Variants in FUNDC2 observed in about 807,000 individuals in gnomAD.
FUNDC2 encodes the protein FUN14 domain-containing protein 2.
FUNDC2 carries 4 observed loss-of-function variants against 15.6 expected under a neutral mutation model. The observed-to-expected ratio is 0.26, with a 90% confidence interval of 0.13 to 0.59. The LOEUF (loss-of-function observed/expected upper bound fraction) is 0.59, where lower values mean the gene tolerates loss of function less well. Among genes scored for constraint, FUNDC2 ranks in the 20% least tolerant of loss-of-function variants. The probability of loss-of-function intolerance (pLI) is 0.90; values close to 1 mark genes in which losing one functional copy is unlikely to be tolerated. For missense variants in FUNDC2, 98 were observed against 149.7 expected (o/e 0.65, Z 1.80); for synonymous variants, 44 against 56.9 (o/e 0.77, Z 1.02).
intron 2 of FUNDC2, among the ~76,000 whole-genome samples, chrX:155,042,947 CT>C (rs1428788757): frequency 1.8e-5 from 2 of 110,030 alleles, no homozygotes; most frequent in Non-Finnish European, 3.8e-5. Context: ...TGATTTGCAT[CT>C]TTTTTTTTGA....
chrX:155,057,762 G>A lies in FUNDC2; in HGVS notation c.*3090G>A, dbSNP rs1436776914. The A allele has an allele frequency of 9.0e-6, 1 of 111,467 alleles. No individual in the cohort carries two copies. The highest frequency in any genetic ancestry group is 1.9e-5 in the Non-Finnish European group (1 of 53,073). 9.2% of individuals were successfully genotyped at this position (111,467 alleles called of 1,213,427 possible). A position where few individuals can be genotyped will look rare whatever the true frequency, so the allele number is the denominator to read the frequency against. On this transcript the variant is annotated 3_prime_UTR_variant, in exon 5 of 5. Transcript: ENST00000369498. ...CGTCTCTCCCGCAATGGGACCTGGT[G>A]GGATGGGGACTTGGAGCATGCTACA...
Position 155,026,950 on chromosome X carries a change from T to A in FUNDC2, c.12T>A (p.Ser4=). Residue 4 remains serine, a synonymous_variant, in exon 1 of 5, where the codon TCT becomes TCA. Transcript: ENST00000369498. ...CTGCCGCCGTGGGAATGGAAACATC[T>A]GCCCCACGTGCCGGAAGCCAAGTGG... MET[S]APRAGSQVVA... 1.7e-6 allele frequency: 2 copies of A among 1,194,327 alleles called. No homozygotes were observed. Among genetic ancestry groups the A allele is most frequent in the Non-Finnish European group, 2.3e-6 (2 of 888,727 alleles).
intron 2 of FUNDC2, among the ~76,000 whole-genome samples, chrX:155,034,648 G>A (rs1378810704): frequency 8.9e-6 from 1 of 111,959 alleles, no homozygotes; most frequent in Non-Finnish European, 1.9e-5. Flanking sequence ...TGAACCTGTT[G>A]TTCTACATGG....
chrX:155,052,695 C>T (rs2073882556), intron 4 of FUNDC2, among the ~76,000 whole-genome samples: 1 of 111,743 alleles, frequency 8.9e-6, no homozygotes, highest in African/African-American at 3.3e-5. Flanking sequence ...GTGCCTTTAC[C>T]CAGAGTGGGA....
intron 2 of FUNDC2, among the ~76,000 whole-genome samples, chrX:155,036,022 T>C (rs1557289164): frequency 8.9e-6 from 1 of 112,016 alleles, no homozygotes; most frequent in African/African-American, 3.2e-5. Context: ...TCATTTCTTT[T>C]GGGTAAATAT....
At chrX:155,050,601 A>G (rs782078441) in intron 3 of FUNDC2, 3 of 112,173 alleles carry the variant, frequency 2.7e-5, no homozygotes, top group Admixed American at 1.9e-4. Flanking sequence ...GTAATATTCT[A>G]TTGTGTAAAT....
In FUNDC2 at chrX:155,051,809, T is replaced by C; in HGVS notation, c.492+8T>C. On this transcript the variant is annotated splice_region_variant and intron_variant, in intron 4 of 4. Transcript: ENST00000369498. Reference sequence around the variant, plus strand: ...AGGAGCAAAGCTGAGGAGGTGAGACTTGCATTGTTCACGTGTAGTGTGTGA... The same window carrying C: ...AGGAGCAAAGCTGAGGAGGTGAGACCTGCATTGTTCACGTGTAGTGTGTGA... 4.1e-6 allele frequency: 5 copies of C among 1,210,612 alleles called. No homozygotes were observed. Among genetic ancestry groups the C allele is most frequent in the Non-Finnish European group, 5.6e-6 (5 of 894,405 alleles).
At chrX:155,038,445 T>C (rs1262754236) in intron 2 of FUNDC2, among the ~76,000 whole-genome samples, 2 of 111,877 alleles carry the variant, frequency 1.8e-5, no homozygotes, top group Non-Finnish European at 3.8e-5. Context: ...GTCACCATGA[T>C]ATACAGTAGA....
chrX:155,031,629 G>A (rs2073815440), intron 1 of FUNDC2, among the ~76,000 whole-genome samples: 1 of 112,352 alleles, frequency 8.9e-6, no homozygotes, highest in East Asian at 2.8e-4. Flanking sequence ...TGCCTGGCCT[G>A]CTTCTATTTC....
intron 3 of FUNDC2, 83 bp downstream of exon 3, chrX:155,046,667 C>G (rs2073863696): frequency 1.3e-6 from 1 of 745,403 alleles, no homozygotes; most frequent in Admixed American, 2.3e-5. Flanking sequence ...TAATACAGTC[C>G]TGGCTATGTC....
intron 1 of FUNDC2, among the ~76,000 whole-genome samples, chrX:155,028,048 A>ACTGCTCTTATAGACTTTTATAAGAGCAGT (rs1557288439): frequency 1.4e-4 from 16 of 111,365 alleles, no homozygotes; most frequent in African/African-American, 4.9e-4. Flanking sequence ...TGCAGAGCAG[A>ACTGCTCTTATAGACTTTTATAAGAGCAGT]CTGCTCTTAT....
rs1569560269 is a variant in FUNDC2, at chrX:155,057,022, A to ATGTTTTTCC, written c.*2351_*2352insGTTTTTCCT. 6 of 102,648 alleles carry ATGTTTTTCC rather than the reference A, an allele frequency of 5.8e-5. No homozygotes were observed. The highest frequency in any genetic ancestry group is 1.2e-4 in the Non-Finnish European group (6 of 48,164). The allele number at this position is 102,648 out of a possible 1,213,427, so 8.5% of individuals were successfully genotyped here. A position where few individuals can be genotyped will look rare whatever the true frequency, so the allele number is the denominator to read the frequency against. On this transcript the variant is annotated 3_prime_UTR_variant, in exon 5 of 5. Transcript: ENST00000369498. ...TGTGAGGGTCATGGTTGAGGTCAGT[A>ATGTTTTTCC]TTGCAGGTTGGCCTCATCCTGCTAG...
At chrX:155,027,124 T>C in intron 1 of FUNDC2, 53 bp downstream of exon 1, 1 of 1,043,441 alleles carries the variant, frequency 9.6e-7, no homozygotes. Context: ...CTTCCTGGGC[T>C]CCGGAAGGGG....
At chrX:155,032,437 C>T (rs937997099) in intron 1 of FUNDC2, among the ~76,000 whole-genome samples, 2 of 108,534 alleles carry the variant, frequency 1.8e-5, no homozygotes, top group Admixed American at 9.8e-5. Context: ...CCACCACCCC[C>T]GGCTAATTTT....
At chrX:155,045,920 G>A (rs2073860658) in intron 2 of FUNDC2, among the ~76,000 whole-genome samples, 1 of 110,865 alleles carries the variant, frequency 9.0e-6, no homozygotes, top group Non-Finnish European at 1.9e-5. Context: ...GCTACAAGAT[G>A]TTGCCACTCA....
At chrX:155,030,796 C>T (rs1242734736) in intron 1 of FUNDC2, among the ~76,000 whole-genome samples, 2 of 107,472 alleles carry the variant, frequency 1.9e-5, no homozygotes, top group African/African-American at 6.8e-5. Flanking sequence ...AGCAATTCTC[C>T]CATCTCAGCC....
intron 2 of FUNDC2, among the ~76,000 whole-genome samples, chrX:155,043,684 A>G (rs2073854222): frequency 1.8e-5 from 2 of 112,356 alleles, no homozygotes; most frequent in Non-Finnish European, 3.8e-5. Flanking sequence ...TAACCATTCT[A>G]AATATGTCAG....
In FUNDC2 at chrX:155,059,907, C is replaced by A. The variant is rs1156356981; in HGVS notation, c.*5235C>A. On this transcript the variant is annotated 3_prime_UTR_variant, in exon 5 of 5. Coordinates refer to ENST00000369498, the MANE Select transcript of FUNDC2 (RefSeq NM_023934.4). Reference sequence around the variant, plus strand: ...TCACTCTCTCTTGCTCCTGCTTTGGCCATGTGGAGTGCTCACTCCCCTTTT... The same window carrying A: ...TCACTCTCTCTTGCTCCTGCTTTGGACATGTGGAGTGCTCACTCCCCTTTT... The A allele has an allele frequency of 9.0e-6, 1 of 111,292 alleles. No individual in the cohort carries two copies. Among genetic ancestry groups the A allele is most frequent in the African/African-American group, 3.3e-5 (1 of 30,463 alleles). 9.2% of individuals were successfully genotyped at this position (111,292 alleles called of 1,213,427 possible).
At position 155,058,838 on chromosome X, in the gene FUNDC2, A is replaced by G. The variant is rs781805602; in HGVS notation, c.*4166A>G. The G allele has an allele frequency of 9.0e-6, 1 of 111,367 alleles. No individual in the cohort carries two copies. The highest frequency in any genetic ancestry group is 3.3e-5 in the African/African-American group (1 of 30,629). 9.2% of individuals were successfully genotyped at this position (111,367 alleles called of 1,213,427 possible). A position where few individuals can be genotyped will look rare whatever the true frequency, so the allele number is the denominator to read the frequency against. On this transcript the variant is annotated 3_prime_UTR_variant, in exon 5 of 5. Transcript: ENST00000369498. ...TCTTAATACTTTTTTTTTTAAAAGA[A>G]AAGTGTCGCACTTTTTCACATTTTT...
Sources: allele counts gnomAD v4.1 joint callset (sites outside exome capture counted in the v4.1 genomes callset), GRCh38; gene constraint gnomAD v4.1.1; transcripts MANE v1.5; gene names NCBI Gene and HGNC (gene_info 2026-07-23, HGNC 2026-07-21).